The following KCNAB1 variants were observed in gnomAD, a reference collection of about 807,000 sequenced individuals.
KCNAB1 encodes the protein potassium voltage-gated channel subfamily A regulatory beta subunit 1.
In KCNAB1, 35 loss-of-function variants were observed where a neutral mutation model predicts 64.6. That is an observed-to-expected ratio of 0.54 (90% CI 0.41 to 0.72). The LOEUF is 0.72. Among genes scored for constraint, KCNAB1 ranks in the 30% least tolerant of loss-of-function variants. The pLI, the probability that KCNAB1 is intolerant of heterozygous loss-of-function variation, is 0.00. For missense variants in KCNAB1, 401 were observed against 512.9 expected (o/e 0.78, Z 2.11); for synonymous variants, 177 against 183.8 (o/e 0.96, Z 0.30).
rs1163681706 is a variant in KCNAB1 at position 156,428,528 on chromosome 3, CA to C, written c.319+6870del. Reference sequence around the variant, plus strand: ...ACACACACACACACACACACACACACACACACCCTATTGGTTCTGTTTCTCT... The same window carrying C: ...ACACACACACACACACACACACACACCACACCCTATTGGTTCTGTTTCTCT... On this transcript the variant is annotated intron_variant, in intron 2 of 13. Transcript: ENST00000490337. 2.1e-3 allele frequency among the ~76,000 whole-genome samples: 320 copies of C among 151,722 alleles called. 3 individuals carry two copies. The highest frequency in any genetic ancestry group is 7.6e-3 in the African/African-American group (313 of 41,304).
rs1332891820 is a variant in KCNAB1, at chr3:156,360,709, G to A, written c.276-60907G>A. 2.0e-5 allele frequency among the ~76,000 whole-genome samples: 3 copies of A among 148,810 alleles called. No individual in the cohort carries two copies. The Admixed American group carries it at 2.0e-4, about 10-fold the overall frequency. ...AGCCTGGGTGACAGAGCAAGACTCTGTTTCTCTCCCTCTATTTAAAAAAAA... is the reference window on the plus strand; with the variant it reads ...AGCCTGGGTGACAGAGCAAGACTCTATTTCTCTCCCTCTATTTAAAAAAAA... On this transcript the variant is annotated intron_variant, in intron 1 of 13. Transcript: ENST00000490337.
intron 1 of KCNAB1, among the ~76,000 whole-genome samples, chr3:156,316,616 A>G (rs1309576033): frequency 6.6e-6 from 1 of 152,228 alleles, no homozygotes; most frequent in East Asian, 1.9e-4. Context: ...AAGGACAGTA[A>G]AGCATCCTGT....
intron 1 of KCNAB1, among the ~76,000 whole-genome samples, chr3:156,348,119 A>G (rs1724606288): frequency 1.3e-5 from 2 of 152,110 alleles, no homozygotes; most frequent in Admixed American, 1.3e-4. Flanking sequence ...CAAACAAACC[A>G]AGGGGTTTAG....
At chr3:156,331,966 C>T (rs1723368209) in intron 1 of KCNAB1, among the ~76,000 whole-genome samples, 1 of 152,164 alleles carries the variant, frequency 6.6e-6, no homozygotes, top group Non-Finnish European at 1.5e-5. Flanking sequence ...TCTCCCTGCT[C>T]TTGTCAGAAG....
intron 8 of KCNAB1, among the ~76,000 whole-genome samples, chr3:156,484,741 C>T (rs550131035): frequency 1.2e-4 from 18 of 152,078 alleles, no homozygotes; most frequent in Non-Finnish European, 2.4e-4. Context: ...AATTCTCAGA[C>T]AGCCGGGGAT....
intron 13 of KCNAB1, among the ~76,000 whole-genome samples, chr3:156,533,261 A>G (rs1272942871): frequency 1.3e-5 from 2 of 152,160 alleles, no homozygotes; most frequent in African/African-American, 4.8e-5. Context: ...CCTCTGGAAT[A>G]TGTTTATTCC....
intron 7 of KCNAB1, among the ~76,000 whole-genome samples, chr3:156,469,779 C>T (rs1210035982): frequency 1.3e-5 from 2 of 152,116 alleles, no homozygotes; most frequent in Non-Finnish European, 2.9e-5. Flanking sequence ...CTTGTGATTA[C>T]AAGAGAACTA....
At chr3:156,267,195 T>C (rs1365821958) in intron 1 of KCNAB1, among the ~76,000 whole-genome samples, 2 of 152,200 alleles carry the variant, frequency 1.3e-5, no homozygotes, top group East Asian at 3.9e-4. Flanking sequence ...GTACATATTA[T>C]TTTGCGGGCT....
chr3:156,422,854 G>A (rs1715553946), intron 2 of KCNAB1, among the ~76,000 whole-genome samples: 1 of 152,046 alleles, frequency 6.6e-6, no homozygotes, highest in Non-Finnish European at 1.5e-5. Context: ...AGGAGCCAAA[G>A]AAAGCTGAAA....
chr3:156,333,436 A>G (rs551454948), intron 1 of KCNAB1, among the ~76,000 whole-genome samples: 100 of 152,156 alleles, frequency 6.6e-4, no homozygotes, highest in African/African-American at 2.3e-3. Context: ...ATTTAATAAT[A>G]TATCTTAAAA....
At chr3:156,218,325 A>G (rs1715454408) in intron 1 of KCNAB1, among the ~76,000 whole-genome samples, 1 of 152,166 alleles carries the variant, frequency 6.6e-6, no homozygotes, top group South Asian at 2.1e-4. Flanking sequence ...CATCCCCCAC[A>G]GCAGCCACAG....
At chr3:156,145,097 A>T (rs1016588906) in intron 1 of KCNAB1, among the ~76,000 whole-genome samples, 2 of 152,150 alleles carry the variant, frequency 1.3e-5, no homozygotes, top group African/African-American at 4.8e-5. Flanking sequence ...ACTCTTCATG[A>T]TGCCTTGGTG....
chr3:156,158,839 C>T (rs191749409), intron 1 of KCNAB1, among the ~76,000 whole-genome samples: 1 of 152,334 alleles, frequency 6.6e-6, no homozygotes, highest in Non-Finnish European at 1.5e-5. Flanking sequence ...AAGGAAAAAG[C>T]AAAGGCACCT....
At chr3:156,150,966 A>C (rs1715370014) in intron 1 of KCNAB1, among the ~76,000 whole-genome samples, 1 of 152,180 alleles carries the variant, frequency 6.6e-6, no homozygotes, top group African/African-American at 2.4e-5. Context: ...GGGGGTTCTG[A>C]GCTACACCAC....
chr3:156,382,385 G>C (rs1373206269), intron 1 of KCNAB1, among the ~76,000 whole-genome samples: 2 of 152,102 alleles, frequency 1.3e-5, no homozygotes, highest in Non-Finnish European at 2.9e-5. Flanking sequence ...AGGAGGCTGA[G>C]GTAGGAGAAT....
At chr3:156,305,851 T>C (rs1185354629) in intron 1 of KCNAB1, among the ~76,000 whole-genome samples, 1 of 152,222 alleles carries the variant, frequency 6.6e-6, no homozygotes, top group Non-Finnish European at 1.5e-5. Flanking sequence ...TCTGGGTAGT[T>C]GCAAAAGAGA....
intron 1 of KCNAB1, among the ~76,000 whole-genome samples, chr3:156,195,460 T>A (rs1257842018): frequency 6.6e-6 from 1 of 152,222 alleles, no homozygotes; most frequent in Non-Finnish European, 1.5e-5. Flanking sequence ...GTTTCCTGAC[T>A]TTTTAATGAT....
intron 1 of KCNAB1, among the ~76,000 whole-genome samples, chr3:156,302,670 C>T (rs1047999815): frequency 6.6e-6 from 1 of 152,200 alleles, no homozygotes; most frequent in Non-Finnish European, 1.5e-5. Context: ...ATTATTATTA[C>T]AGCAGCTACT....
chr3:156,151,604 T>C (rs1715414865), intron 1 of KCNAB1, among the ~76,000 whole-genome samples: 5 of 152,234 alleles, frequency 3.3e-5, no homozygotes, highest in Admixed American at 3.3e-4. Flanking sequence ...CTTTTGTTCA[T>C]GCTCTCACAT....
Sources: allele counts gnomAD v4.1 joint callset (sites outside exome capture counted in the v4.1 genomes callset), GRCh38; gene constraint gnomAD v4.1.1; transcripts MANE v1.5; gene names NCBI Gene and HGNC (gene_info 2026-07-23, HGNC 2026-07-21).